CACNB2: variants seen among roughly 807,000 people sequenced by gnomAD.
CACNB2 encodes the protein calcium voltage-gated channel auxiliary subunit beta 2, also known as voltage-dependent L-type calcium channel subunit beta-2.
CACNB2 carries 42 observed loss-of-function variants against 73.3 expected under a neutral mutation model. The ratio of observed to expected loss-of-function variants is 0.57; its 90% CI spans 0.45 to 0.74. The LOEUF (loss-of-function observed/expected upper bound fraction) is 0.74. CACNB2 is among the 30% of genes least tolerant of loss of function. The probability of loss-of-function intolerance (pLI) is 0.00; values close to 1 mark genes in which losing one functional copy is unlikely to be tolerated. For synonymous variants in CACNB2, 348 were observed against 310.3 expected, an observed-to-expected ratio of 1.12 and a Z score of -1.28; for missense variants, 940 against 853.0, an observed-to-expected ratio of 1.10 and a Z score of -1.27.
At chr10:18,444,873 T>C (rs1257960132) in intron 3 of CACNB2, among the ~76,000 whole-genome samples, 1 of 152,226 alleles carries the variant, frequency 6.6e-6, no homozygotes. Context: ...GGGAACAAAG[T>C]AATCAATGAT....
intron 2 of CACNB2, among the ~76,000 whole-genome samples, chr10:18,177,465 C>CAAAAA (rs35967003): frequency 1.1e-4 from 14 of 130,330 alleles, no homozygotes; most frequent in South Asian, 2.5e-4. Context: ...ATTAAAAATG[C>CAAAAA]AAAAAAAAAA....
chr10:18,501,993 A>T (rs1036046788), intron 5 of CACNB2, among the ~76,000 whole-genome samples: 2 of 152,218 alleles, frequency 1.3e-5, no homozygotes, highest in African/African-American at 4.8e-5. Flanking sequence ...CAGTCATATA[A>T]AAGTAGAGGC....
At chr10:18,271,737 C>T (rs1216919013) in intron 2 of CACNB2, among the ~76,000 whole-genome samples, 1 of 152,114 alleles carries the variant, frequency 6.6e-6, no homozygotes, top group Non-Finnish European at 1.5e-5. Context: ...AGATCTGTTT[C>T]CCATTGAGCC....
At chr10:18,439,492 C>T (rs572282553) in intron 3 of CACNB2, among the ~76,000 whole-genome samples, 3 of 152,228 alleles carry the variant, frequency 2.0e-5, no homozygotes, top group African/African-American at 2.4e-5. Context: ...ATGGCAAGGT[C>T]GCATATTTTG....
At chr10:18,418,912 C>T (rs1265848214) in intron 3 of CACNB2, among the ~76,000 whole-genome samples, 1 of 152,214 alleles carries the variant, frequency 6.6e-6, no homozygotes, top group Non-Finnish European at 1.5e-5. Flanking sequence ...GATTTTTAAA[C>T]AACCAACTAT....
intron 2 of CACNB2, among the ~76,000 whole-genome samples, chr10:18,367,665 C>G (rs911741059): frequency 1.3e-5 from 2 of 151,976 alleles, no homozygotes; most frequent in Non-Finnish European, 2.9e-5. Flanking sequence ...TGTAAAAATT[C>G]ACATTTATCA....
At chr10:18,189,910 T>A (rs1373610633) in intron 2 of CACNB2, among the ~76,000 whole-genome samples, 3 of 152,212 alleles carry the variant, frequency 2.0e-5, no homozygotes, top group African/African-American at 7.2e-5. Context: ...GGTTTTAAGT[T>A]GTTTCCCGAC....
At chr10:18,267,927 A>C (rs1411612819) in intron 2 of CACNB2, among the ~76,000 whole-genome samples, 1 of 152,228 alleles carries the variant, frequency 6.6e-6, no homozygotes, top group African/African-American at 2.4e-5. Flanking sequence ...TCTGTGCCTC[A>C]ACTTGCCTTT....
chr10:18,522,363 G>A (rs1425393035), intron 9 of CACNB2, among the ~76,000 whole-genome samples: 3 of 152,088 alleles, frequency 2.0e-5, no homozygotes, highest in Non-Finnish European at 2.9e-5. Flanking sequence ...ACCGGTCCAC[G>A]GAAAAGTTGT....
At chr10:18,275,474 G>C (rs913898333) in intron 2 of CACNB2, among the ~76,000 whole-genome samples, 2 of 152,262 alleles carry the variant, frequency 1.3e-5, no homozygotes, top group African/African-American at 4.8e-5. Context: ...CTCATATTAA[G>C]CATCAGGAAG....
chr10:18,367,062 G>A (rs2042383775), intron 2 of CACNB2, among the ~76,000 whole-genome samples: 1 of 152,300 alleles, frequency 6.6e-6, no homozygotes, highest in African/African-American at 2.4e-5. Flanking sequence ...CATGTACTAC[G>A]ATGACGATGA....
intron 2 of CACNB2, among the ~76,000 whole-genome samples, chr10:18,342,720 C>T (rs1004008844): frequency 2.0e-5 from 3 of 151,990 alleles, no homozygotes; most frequent in Non-Finnish European, 4.4e-5. Flanking sequence ...GTCTTTATAA[C>T]CATTCAACAC....
In CACNB2 at chr10:18,499,615, AAG is replaced by A. The variant is rs1491589404; in HGVS notation, c.456+1140_456+1141del. ...GGCGACAGAGTGAGATTCTGTCTCA[AAG>A]AAAAAAAAAAAAAAAAAAAAAAGAA... On this transcript the variant is annotated intron_variant, in intron 4 of 13. Coordinates refer to ENST00000324631, the MANE Select transcript of CACNB2 (RefSeq NM_201596.3). Among the ~76,000 whole-genome samples, 15 of 62,766 alleles carry A rather than the reference AAG, an allele frequency of 2.4e-4. 2 individuals carry two copies. The highest frequency in any genetic ancestry group is 6.6e-4 in the Admixed American group (4 of 6,076). The allele number at this position is 62,766 out of a possible 152,430, so 41.2% of individuals were successfully genotyped here. A position where few individuals can be genotyped will look rare whatever the true frequency, so the allele number is the denominator to read the frequency against.
chr10:18,489,027 A>T (rs1387496222), intron 3 of CACNB2, among the ~76,000 whole-genome samples: 1 of 151,842 alleles, frequency 6.6e-6, no homozygotes, highest in African/African-American at 2.4e-5. Context: ...AAAATACAAA[A>T]TATTGGCCGG....
At chr10:18,356,640 T>A (rs2041919075) in intron 2 of CACNB2, among the ~76,000 whole-genome samples, 1 of 137,506 alleles carries the variant, frequency 7.3e-6, no homozygotes, top group Non-Finnish European at 1.5e-5. Flanking sequence ...TTCTCCTTCA[T>A]TTTTTTTTTT....
intron 2 of CACNB2, among the ~76,000 whole-genome samples, chr10:18,331,425 G>T (rs113247786): frequency 2.0e-5 from 3 of 150,008 alleles, no homozygotes; most frequent in African/African-American, 7.4e-5. Flanking sequence ...TTGCAGTCTA[G>T]CCTGGAGAAC....
chr10:18,482,252 A>C (rs987465141), intron 3 of CACNB2, among the ~76,000 whole-genome samples: 1 of 152,212 alleles, frequency 6.6e-6, no homozygotes, highest in Non-Finnish European at 1.5e-5. Flanking sequence ...CTACATAGTA[A>C]GCACAATATA....
chr10:18,321,582 C>T (rs529549385), intron 2 of CACNB2, among the ~76,000 whole-genome samples: 64 of 152,302 alleles, frequency 4.2e-4, no homozygotes, highest in African/African-American at 1.5e-3. Context: ...GGGGCATGGA[C>T]ACCCCATGCT....
At chr10:18,467,995 A>G in intron 3 of CACNB2, among the ~76,000 whole-genome samples, 1 of 152,204 alleles carries the variant, frequency 6.6e-6, no homozygotes. Flanking sequence ...TAAAGAAATG[A>G]ATGAATTCAC....
Sources: gnomAD v4.1 joint callset for allele counts (sites outside exome capture counted in the v4.1 genomes callset) on GRCh38, gnomAD v4.1.1 for gene constraint, MANE v1.5 for transcripts, NCBI Gene and HGNC (gene_info 2026-07-23, HGNC 2026-07-21) for gene names.